Variants in RYR3 observed in about 807,000 individuals in gnomAD.
RYR3 encodes the protein brain ryanodine receptor-calcium release channel.
A neutral mutation model predicts 584.3 loss-of-function variants in RYR3; 207 were observed. The ratio of observed to expected loss-of-function variants is 0.35; its 90% CI spans 0.32 to 0.40. The LOEUF (loss-of-function observed/expected upper bound fraction) is 0.40. RYR3 is among the 10% of genes least tolerant of loss of function. RYR3 has a pLI of 1.00. For missense variants in RYR3, 5,616 were observed against 6,089.2 expected, an observed-to-expected ratio of 0.92 and a Z score of 2.59; for synonymous variants, 2,416 against 2,248.5, an observed-to-expected ratio of 1.07 and a Z score of -2.11.
Position 33,722,815 on chromosome 15 carries a change from C to CTTG in RYR3, c.6721_6723dup (p.Leu2241dup). ...TGCGGGGTGAGGGGGGAAACGGGCT[C>CTTG]TTGGCAGCCATGCAGGGTGCCATTA... On this transcript the variant is annotated inframe_insertion, in exon 44 of 104. Transcript: ENST00000634891. The CTTG allele has an allele frequency of 6.2e-7, 1 of 1,613,306 alleles. No homozygotes were observed. Among genetic ancestry groups the CTTG allele is most frequent in the Non-Finnish European group, 8.5e-7 (1 of 1,179,590 alleles).
At chr15:33,646,320 A>G (rs1459104666) in intron 28 of RYR3, 31 bp from the exon 29 acceptor site, 1 of 1,558,226 alleles carries the variant, frequency 6.4e-7, no homozygotes, top group Non-Finnish European at 8.7e-7. Flanking sequence ...GCCCTTTGGT[A>G]TGTCAAGGTA....
chr15:33,660,275 G>A lies in RYR3; in HGVS notation c.4474G>A (p.Val1492Ile), dbSNP rs202225145. 100 of 1,559,258 alleles carry A rather than the reference G, an allele frequency of 6.4e-5. No individual in the cohort carries two copies. The highest frequency in any genetic ancestry group is 6.6e-5 in the Non-Finnish European group (76 of 1,151,604). ...PVPQCPPRLD[V>I]QTIQPVLWSR... ...CCCACAGTGTCCACCTCGGCTGGAC[G>A]TCCAAACCATCCAGCCCGTGCTCTG... Residue 1492 changes from valine (V) to isoleucine (I), a missense_variant, in exon 34 of 104, where the codon GTC (valine) becomes ATC (isoleucine). Physicochemically the swap from Val to Ile is conservative, Grantham distance 29 (BLOSUM62 3). Transcript: ENST00000634891.
intron 36 of RYR3, among the ~76,000 whole-genome samples, chr15:33,665,334 G>C (rs1410742240): frequency 6.6e-6 from 1 of 152,136 alleles, no homozygotes; most frequent in East Asian, 1.9e-4. Context: ...TCCCTCCCAG[G>C]GTTCCTGCAA....
intron 1 of RYR3, among the ~76,000 whole-genome samples, chr15:33,460,143 C>A (rs899368878): frequency 6.6e-6 from 1 of 152,140 alleles, no homozygotes; most frequent in East Asian, 1.9e-4. Flanking sequence ...AGAAGGTCAG[C>A]AGAGTGATTG....
rs576872674 is a variant in RYR3 at position 33,795,965 on chromosome 15, G to T, written c.9831-4805G>T. Among the ~76,000 whole-genome samples the T allele has an allele frequency of 6.6e-5, 10 of 152,280 alleles. No individual in the cohort carries two copies. The South Asian group carries it at 2.1e-3, about 32-fold the overall frequency. ...AACCTATCTCTCAAACTGTTGAAGG[G>T]AGTTAGGGTAAATCCCATGCAGCAA... On this transcript the variant is annotated intron_variant, in intron 67 of 103. Transcript: ENST00000634891.
chr15:33,489,523 A>G (rs2050787709), intron 2 of RYR3, among the ~76,000 whole-genome samples: 1 of 152,216 alleles, frequency 6.6e-6, no homozygotes, highest in South Asian at 2.1e-4. Flanking sequence ...CCATGTTCCC[A>G]CAAAAGACGT....
chr15:33,501,935 TG>T (rs2052025904), intron 2 of RYR3, among the ~76,000 whole-genome samples: 2 of 152,190 alleles, frequency 1.3e-5, no homozygotes, highest in African/African-American at 4.8e-5. Flanking sequence ...AATCCTCCTC[TG>T]TTACAATCTC....
intron 65 of RYR3, among the ~76,000 whole-genome samples, chr15:33,782,935 A>G (rs902898285): frequency 3.9e-5 from 6 of 152,246 alleles, no homozygotes; most frequent in Non-Finnish European, 5.9e-5. Context: ...TCTATTAATC[A>G]GAACACTAGA....
Position 33,388,321 on chromosome 15 carries a change from G to A in RYR3, c.51+77225G>A, listed in dbSNP as rs79289051. Among the ~76,000 whole-genome samples the A allele has an allele frequency of 3.1e-4, 47 of 152,264 alleles. 3 individuals carry two copies. The East Asian group carries it at 9.1e-3, about 29-fold the overall frequency. On this transcript the variant is annotated intron_variant, in intron 1 of 103. Transcript: ENST00000634891. ...GATCTTTCAGATATGTTCTAAGTGGGAGAAAAAAGTAAAAGGGAAGATGGT... is the reference window on the plus strand; with the variant it reads ...GATCTTTCAGATATGTTCTAAGTGGAAGAAAAAAGTAAAAGGGAAGATGGT...
intron 69 of RYR3, among the ~76,000 whole-genome samples, chr15:33,806,138 C>T (rs190563072): frequency 1.2e-4 from 18 of 152,214 alleles, no homozygotes; most frequent in African/African-American, 3.1e-4. Context: ...TCCCATGGCC[C>T]GGGCTTGCCT....
At chr15:33,336,750 AG>A (rs1280018300) in intron 1 of RYR3, among the ~76,000 whole-genome samples, 2 of 151,846 alleles carry the variant, frequency 1.3e-5, no homozygotes, top group Non-Finnish European at 2.9e-5. Flanking sequence ...TTGCAATACA[AG>A]GACTATAAAG....
chr15:33,517,395 G>T (rs2053609827), intron 3 of RYR3, among the ~76,000 whole-genome samples: 1 of 152,206 alleles, frequency 6.6e-6, no homozygotes, highest in Non-Finnish European at 1.5e-5. Context: ...GAGAATCACT[G>T]CTGTAACACT....
At chr15:33,763,429 AC>A (rs1160098771) in intron 60 of RYR3, among the ~76,000 whole-genome samples, 5 of 150,878 alleles carry the variant, frequency 3.3e-5, no homozygotes, top group African/African-American at 9.7e-5. Flanking sequence ...CAAAAAAAAA[AC>A]AACCCCATCA....
At chr15:33,669,496 G>A (rs2063691080) in intron 37 of RYR3, 40 bp downstream of exon 37, 1 of 1,565,218 alleles carries the variant, frequency 6.4e-7, no homozygotes, top group Non-Finnish European at 8.8e-7. Context: ...TTTTTTACAA[G>A]AAGAGTCTGT....
chr15:33,769,237 A>G lies in RYR3; in HGVS notation c.8816+65A>G, dbSNP rs964307002. On this transcript the variant is annotated intron_variant, in intron 62 of 103. Transcript: ENST00000634891. ...TCCTCTCTGACCCTCTCATCTCACT[A>G]ATTATACTGAAGAGAAGACAGATCG... The G allele has an allele frequency of 6.0e-6, 7 of 1,161,376 alleles. No homozygotes were observed. In the South Asian group the frequency reaches 7.3e-5, roughly 12 times the overall value. The allele number at this position is 1,161,376 out of a possible 1,614,324, so 71.9% of individuals were successfully genotyped here. A position where few individuals can be genotyped will look rare whatever the true frequency, so the allele number is the denominator to read the frequency against.
At position 33,603,290 on chromosome 15, in the gene RYR3, GAGA is replaced by G. The variant is rs1567641471; in HGVS notation, c.2093_2095del (p.Glu698del). On this transcript the variant is annotated inframe_deletion, in exon 18 of 104. Transcript: ENST00000634891. ...GGCTATGCCCCATACCCAGGAGGTG[GAGA>G]AGGATGGGGAGGCAATGGTGTTGGT... is the stretch of plus-strand genomic sequence containing the variant. 6.2e-7 allele frequency: 1 copy of G among 1,613,798 alleles called. No homozygotes were observed.
chr15:33,811,162 G>C lies in RYR3; in HGVS notation c.10257+125G>C, dbSNP rs2076516975. ...CCAAAAACAGTTTGGGGGTATTTGT[G>C]TTTAATTGGTAGGACTAGCTCTCTC... On this transcript the variant is annotated intron_variant, in intron 72 of 103. Coordinates refer to ENST00000634891, the MANE Select transcript of RYR3 (RefSeq NM_001036.6). 6.2e-6 allele frequency: 5 copies of C among 806,578 alleles called. No homozygotes were observed. The South Asian group carries it at 6.2e-5, about 10-fold the overall frequency. 50.0% of individuals were successfully genotyped at this position (806,578 alleles called of 1,614,324 possible). A position where few individuals can be genotyped will look rare whatever the true frequency, so the allele number is the denominator to read the frequency against.
chr15:33,850,685 C>G (rs1420149880), intron 94 of RYR3: 1 of 151,704 alleles, frequency 6.6e-6, no homozygotes, highest in Non-Finnish European at 1.5e-5. Flanking sequence ...TATTGTTAAG[C>G]ACACATAAGA....
chr15:33,834,847 A>T, intron 86 of RYR3, 121 bp from the exon 87 acceptor site: 1 of 621,428 alleles, frequency 1.6e-6, no homozygotes, highest in Non-Finnish European at 2.8e-6. Context: ...CTGAGCTATG[A>T]AATATTTGAC....
Sources: allele counts gnomAD v4.1 joint callset (sites outside exome capture counted in the v4.1 genomes callset), GRCh38; gene constraint gnomAD v4.1.1; transcripts MANE v1.5; gene names NCBI Gene and HGNC (gene_info 2026-07-23, HGNC 2026-07-21).